The following AP4S1 variants were observed in gnomAD, a reference collection of about 807,000 sequenced individuals.
AP4S1 encodes adaptor related protein complex 4 subunit sigma 1.
Under a neutral mutation model 19.8 loss-of-function variants are expected in AP4S1, and 23 were observed. The ratio of observed to expected loss-of-function variants is 1.16; its 90% CI spans 0.84 to 1.65. The LOEUF (loss-of-function observed/expected upper bound fraction) is 1.65, where lower values mean the gene tolerates loss of function less well. AP4S1 is among the 40% of genes most tolerant of loss of function. The pLI is 0.00. For synonymous variants in AP4S1, 46 were observed against 54.1 expected, an observed-to-expected ratio of 0.85 and a Z score of 0.66; for missense variants, 166 against 172.8, an observed-to-expected ratio of 0.96 and a Z score of 0.22.
intron 1 of AP4S1, among the ~76,000 whole-genome samples, chr14:31,062,182 T>TCCA (rs1256853210): frequency 1.3e-5 from 2 of 152,064 alleles, no homozygotes; most frequent in Non-Finnish European, 2.9e-5. Context: ...CACTGCAAAC[T>TCCA]CCACCTCCCA....
chr14:31,074,104 A>G (rs1490465072), intron 4 of AP4S1, among the ~76,000 whole-genome samples: 2 of 151,504 alleles, frequency 1.3e-5, no homozygotes, highest in Non-Finnish European at 2.9e-5. Flanking sequence ...AGGTGGGTAG[A>G]TCATGAGGTC....
chr14:31,081,959 A>G lies in AP4S1; in HGVS notation c.306+1375A>G, dbSNP rs867645283. Among the ~76,000 whole-genome samples the G allele has an allele frequency of 5.3e-5, 8 of 152,136 alleles. 1 individual carries two copies. In the Middle Eastern group the frequency reaches 0.01, roughly 194 times the overall value. On this transcript the variant is annotated intron_variant, in intron 5 of 5. Transcript: ENST00000542754. ...TGATCCGCCTGCCTCAGCCTCCCAA[A>G]GTGCTGGGATTACAGGCGTGAGCCA...
rs1209280743 is a variant in AP4S1, at chr14:31,052,934, A to ATTTTT, written c.-71-13173_-71-13169dup. On this transcript the variant is annotated intron_variant, in intron 1 of 5. Coordinates refer to ENST00000542754, the MANE Select transcript of AP4S1 (RefSeq NM_001128126.3). ...GAAAGGAAAGAAGTCAGTGTGCTAA[A>ATTTTT]TTTTTTTTTTTTTTTTTTTTTTTGA... Among the ~76,000 whole-genome samples the ATTTTT allele has an allele frequency of 3.6e-3, 367 of 101,196 alleles. 5 individuals are homozygous for ATTTTT. Among genetic ancestry groups the ATTTTT allele is most frequent in the African/African-American group, 0.013 (344 of 26,048 alleles). 66.4% of individuals were successfully genotyped at this position (101,196 alleles called of 152,430 possible).
At chr14:31,048,143 G>T (rs1430192222) in intron 1 of AP4S1, among the ~76,000 whole-genome samples, 2 of 148,768 alleles carry the variant, frequency 1.3e-5, no homozygotes, top group Non-Finnish European at 3.0e-5. Context: ...GCCCAGGCTG[G>T]ACTGCAGTGG....
intron 1 of AP4S1, among the ~76,000 whole-genome samples, chr14:31,062,297 C>T (rs1186211277): frequency 6.6e-5 from 10 of 152,006 alleles, no homozygotes; most frequent in Non-Finnish European, 1.5e-4. Context: ...TAGGGTTTCA[C>T]CATGTTGACC....
rs915512149 is a variant in AP4S1, at chr14:31,093,003, C to T, written c.403C>T (p.Leu135=). The change falls in exon 6 of 6, where the codon CTA becomes TTA. Residue 135 remains leucine (L), a synonymous_variant. Coordinates refer to ENST00000542754, the MANE Select transcript of AP4S1 (RefSeq NM_001128126.3). ...ETNRARILAP[L]LILDKMSES Reference sequence around the variant, plus strand: ...TAACAGGGCAAGAATTCTTGCCCCTCTACTAATTCTTGATAAGATGTCAGA... The same window carrying T: ...TAACAGGGCAAGAATTCTTGCCCCTTTACTAATTCTTGATAAGATGTCAGA... 1.3e-6 allele frequency: 2 copies of T among 1,548,134 alleles called. No individual in the cohort carries two copies. The highest frequency in any genetic ancestry group is 2.0e-5 in the Admixed American group (1 of 50,648).
At chr14:31,088,605 C>T (rs974697302) in intron 5 of AP4S1, among the ~76,000 whole-genome samples, 3 of 151,688 alleles carry the variant, frequency 2.0e-5, no homozygotes, top group Non-Finnish European at 4.4e-5. Context: ...GTCAGGAGTT[C>T]GAGACCAGCC....
intron 5 of AP4S1, chr14:31,085,493 A>G (rs2139118313): frequency 1.0e-6 from 1 of 986,012 alleles, no homozygotes; most frequent in Non-Finnish European, 1.2e-6. Context: ...ACATCTTTAG[A>G]CCGGGCACAG....
intron 3 of AP4S1, among the ~76,000 whole-genome samples, chr14:31,071,443 A>G (rs1323952146): frequency 1.3e-5 from 2 of 152,132 alleles, no homozygotes; most frequent in African/African-American, 4.8e-5. Context: ...TCTTTTGGAG[A>G]TGGAATCTCA....
At chr14:31,079,441 CGGCTGCACATTCGGA>C (rs990830858) in intron 4 of AP4S1, among the ~76,000 whole-genome samples, 5 of 151,822 alleles carry the variant, frequency 3.3e-5, no homozygotes, top group Admixed American at 1.3e-4. Flanking sequence ...CGGAGGGACA[CGGCTGCACATTCGGA>C]GGCTGCACAT....
intron 4 of AP4S1, among the ~76,000 whole-genome samples, chr14:31,073,361 G>A (rs188791012): frequency 0.18 from 21,283 of 118,292 alleles, 3,092 homozygotes; most frequent in East Asian, 0.34. Context: ...GTGGTGGTGG[G>A]CGCCTGTAGT....
intron 5 of AP4S1, among the ~76,000 whole-genome samples, chr14:31,090,245 C>G (rs1888041725): frequency 6.6e-6 from 1 of 152,200 alleles, no homozygotes; most frequent in South Asian, 2.1e-4. Flanking sequence ...CTCAGCCTCC[C>G]AAAGTGCTGG....
At chr14:31,030,509 T>C (rs1282296664) in intron 1 of AP4S1, among the ~76,000 whole-genome samples, 1 of 152,110 alleles carries the variant, frequency 6.6e-6, no homozygotes, top group Non-Finnish European at 1.5e-5. Context: ...CTCCAGGCTA[T>C]TTTTTGTTTT....
chr14:31,080,465 G>A (rs1266225414), intron 4 of AP4S1, 108 bp from the exon 5 acceptor site: 2 of 895,896 alleles, frequency 2.2e-6, no homozygotes, highest in Non-Finnish European at 3.6e-6. Flanking sequence ...GAAGCAGGTA[G>A]GAGAGGCCGC....
At chr14:31,054,332 A>C (rs1885976887) in intron 1 of AP4S1, among the ~76,000 whole-genome samples, 1 of 152,226 alleles carries the variant, frequency 6.6e-6, no homozygotes, top group Admixed American at 6.6e-5. Flanking sequence ...TGAGTAAATA[A>C]ACAAATGACC....
chr14:31,034,784 A>C (rs1454845287), intron 1 of AP4S1, among the ~76,000 whole-genome samples: 1 of 149,046 alleles, frequency 6.7e-6, no homozygotes, highest in Non-Finnish European at 1.5e-5. Flanking sequence ...CGACCAGCTA[A>C]ATTTTTTTTT....
At chr14:31,045,278 A>G (rs1011280335) in intron 1 of AP4S1, among the ~76,000 whole-genome samples, 2 of 152,172 alleles carry the variant, frequency 1.3e-5, no homozygotes, top group African/African-American at 4.8e-5. Flanking sequence ...GTTTTACCAC[A>G]TACCGTTTGA....
At chr14:31,074,711 G>A (rs1413266952) in intron 4 of AP4S1, among the ~76,000 whole-genome samples, 3 of 152,046 alleles carry the variant, frequency 2.0e-5, no homozygotes, top group African/African-American at 7.2e-5. Context: ...TAATCAAGCT[G>A]GGTGTGGAGG....
At chr14:31,041,281 C>G in intron 1 of AP4S1, among the ~76,000 whole-genome samples, 1 of 152,008 alleles carries the variant, frequency 6.6e-6, no homozygotes, top group East Asian at 2.0e-4. Flanking sequence ...TCCCTAGTAG[C>G]TGGGATTACA....
Sources: gnomAD v4.1 joint callset for allele counts (sites outside exome capture counted in the v4.1 genomes callset) on GRCh38, gnomAD v4.1.1 for gene constraint, MANE v1.5 for transcripts, NCBI Gene and HGNC (gene_info 2026-07-23, HGNC 2026-07-21) for gene names.